The following SCN10A variants were observed in gnomAD, a reference collection of about 807,000 sequenced individuals.
SCN10A encodes the protein sodium channel protein type 10 subunit alpha.
A neutral mutation model predicts 170.7 loss-of-function variants in SCN10A; 162 were observed. The observed-to-expected ratio is 0.95, with a 90% CI of 0.84 to 1.08. The LOEUF (loss-of-function observed/expected upper bound fraction) is 1.08, where lower values mean the gene tolerates loss of function less well. Among genes scored for constraint, SCN10A ranks in the 50% least tolerant of loss-of-function variants. The probability of loss-of-function intolerance (pLI) is 0.00; values close to 1 mark genes in which losing one functional copy is unlikely to be tolerated. For synonymous variants in SCN10A, 985 were observed against 904.6 expected (o/e 1.09, Z -1.59); for missense variants, 2,527 against 2,436.9 (o/e 1.04, Z -0.78).
chr3:38,710,134 A>G (rs911655662), intron 24 of SCN10A, among the ~76,000 whole-genome samples: 10 of 152,028 alleles, frequency 6.6e-5, no homozygotes, highest in African/African-American at 2.2e-4. Context: ...ATTCCCCAAT[A>G]GTGTCTCCCC....
rs764654464 is a variant in SCN10A at position 38,739,586 on chromosome 3, C to T, written c.2209G>A (p.Val737Ile). 14 of 1,613,940 alleles carry T rather than the reference C, an allele frequency of 8.7e-6. No homozygotes were observed. Among genetic ancestry groups the T allele is most frequent in the East Asian group, 4.5e-5 (2 of 44,894 alleles). The change falls in exon 15 of 28, where the codon GTC becomes ATC. Residue 737 changes from valine to isoleucine, a missense_variant. Physicochemically the swap from Val to Ile is conservative, Grantham distance 29 (BLOSUM62 3). Transcript: ENST00000449082. ...KKWNIFDCII[V>I]TVSLLELGVA... The stretch of plus-strand genomic sequence containing the variant: ...CCCAGCTCTAGCAGACTCACAGTGA[C>T]GATGATGCAGTCAAAGATATTCCAC...
In SCN10A at chr3:38,726,595, A is replaced by T. The variant is rs752719194; in HGVS notation, c.3087+11T>A. The T allele has an allele frequency of 7.1e-6, 11 of 1,559,236 alleles. No homozygotes were observed. Among genetic ancestry groups the T allele is most frequent in the East Asian group, 2.3e-5 (1 of 44,014 alleles). On this transcript the variant is annotated intron_variant, in intron 17 of 27. Transcript: ENST00000449082. Reference sequence around the variant, plus strand: ...CACTGCCTGTGGCTGTCCCTTGGGGATAACTCTTACCTGTCCTTTGGGGAT... The same window carrying T: ...CACTGCCTGTGGCTGTCCCTTGGGGTTAACTCTTACCTGTCCTTTGGGGAT...
chr3:38,779,714 A>G (rs2064115898), intron 4 of SCN10A, among the ~76,000 whole-genome samples: 2 of 151,738 alleles, frequency 1.3e-5, no homozygotes, highest in African/African-American at 2.4e-5. Flanking sequence ...ACTGTTTTTT[A>G]TCTTTCCTTC....
At chr3:38,700,508 A>G (rs1452647764) in intron 27 of SCN10A, among the ~76,000 whole-genome samples, 3 of 152,248 alleles carry the variant, frequency 2.0e-5, no homozygotes, top group African/African-American at 7.2e-5. Context: ...TGTTTCTGGC[A>G]TTGATGGTGG....
chr3:38,714,453 C>T (rs542496759), intron 21 of SCN10A, among the ~76,000 whole-genome samples: 2 of 152,266 alleles, frequency 1.3e-5, no homozygotes, highest in Non-Finnish European at 2.9e-5. Flanking sequence ...ACATGATGTT[C>T]CCTCCTAGGG....
chr3:38,810,002 C>A (rs1351621154), intron 1 of SCN10A, among the ~76,000 whole-genome samples: 2 of 152,144 alleles, frequency 1.3e-5, no homozygotes, highest in African/African-American at 4.8e-5. Flanking sequence ...ATGCCACATA[C>A]ACATTGCACT....
chr3:38,764,576 C>T (rs145847820), intron 5 of SCN10A, among the ~76,000 whole-genome samples: 117 of 152,264 alleles, frequency 7.7e-4, no homozygotes, highest in Middle Eastern at 6.8e-3. Flanking sequence ...AGTAGTATTC[C>T]ATGGTATGCA....
At chr3:38,703,754 C>T (rs968641198) in intron 26 of SCN10A, among the ~76,000 whole-genome samples, 21 of 152,154 alleles carry the variant, frequency 1.4e-4, no homozygotes, top group African/African-American at 4.1e-4. Flanking sequence ...TGCTCTTCAC[C>T]CCATTTTTTC....
rs372250251 is a variant in SCN10A, at chr3:38,757,005, T to G, written c.1092+13A>C. On this transcript the variant is annotated intron_variant, in intron 9 of 27. Transcript: ENST00000449082. The stretch of plus-strand genomic sequence containing the variant: ...CTCCAACCAAGTCTGCGTGGGGGAA[T>G]GCAGCTCAGTACCTGCTGGTAGAGG... 111 of 1,606,074 alleles carry G rather than the reference T, an allele frequency of 6.9e-5. 1 individual carries two copies. In the African/African-American group the frequency reaches 1.3e-3, roughly 18 times the overall value.
At chr3:38,796,709 T>C (rs1312952033) in intron 1 of SCN10A, among the ~76,000 whole-genome samples, 1 of 152,190 alleles carries the variant, frequency 6.6e-6, no homozygotes, top group Non-Finnish European at 1.5e-5. Flanking sequence ...CTTATTCTTG[T>C]ACTCTTGGCT....
At chr3:38,698,770 C>T (rs1232395450) in intron 27 of SCN10A, among the ~76,000 whole-genome samples, 1 of 152,154 alleles carries the variant, frequency 6.6e-6, no homozygotes, top group Non-Finnish European at 1.5e-5. Context: ...TCTTCCTCCT[C>T]CGTCTTACCC....
At chr3:38,766,110 T>C (rs1296626971) in intron 5 of SCN10A, among the ~76,000 whole-genome samples, 1 of 152,102 alleles carries the variant, frequency 6.6e-6, no homozygotes, top group Non-Finnish European at 1.5e-5. Flanking sequence ...ACTGAATTCA[T>C]TTATTAGATC....
chr3:38,803,331 C>T (rs1311780130), intron 1 of SCN10A, among the ~76,000 whole-genome samples: 1 of 152,090 alleles, frequency 6.6e-6, no homozygotes, highest in Admixed American at 6.6e-5. Flanking sequence ...AATCATGCTG[C>T]TATAAAGACA....
intron 27 of SCN10A, 45 bp from the exon 28 acceptor site, chr3:38,698,607 G>A (rs777698381): frequency 1.3e-6 from 2 of 1,567,528 alleles, no homozygotes; most frequent in African/African-American, 1.4e-5. Context: ...CTCCAGCCAT[G>A]AGACGTGACA....
At chr3:38,786,475 T>C (rs1559464768) in intron 4 of SCN10A, among the ~76,000 whole-genome samples, 1 of 151,822 alleles carries the variant, frequency 6.6e-6, no homozygotes, top group Non-Finnish European at 1.5e-5. Context: ...CCAGGGCCTG[T>C]TGAGGGGTTG....
chr3:38,776,934 C>T lies in SCN10A; in HGVS notation c.471-5527G>A, dbSNP rs959528789. 2.6e-5 allele frequency among the ~76,000 whole-genome samples: 4 copies of T among 151,962 alleles called. 1 individual carries two copies. In the East Asian group the frequency reaches 7.7e-4, roughly 29 times the overall value. On this transcript the variant is annotated intron_variant, in intron 4 of 27. Transcript: ENST00000449082. ...ATTTACTATACTAACAGATGAAAGA[C>T]TATATGATAACCTCAATAAATATAA...
intron 14 of SCN10A, among the ~76,000 whole-genome samples, chr3:38,740,912 C>T (rs1385936441): frequency 6.6e-6 from 1 of 152,134 alleles, no homozygotes; most frequent in Non-Finnish European, 1.5e-5. Flanking sequence ...CCTCTGTGGT[C>T]TTAGGCTGAC....
rs758110703 is a variant in SCN10A at position 38,742,290 on chromosome 3, C to T, written c.2106+1G>A. Reference sequence around the variant, plus strand: ...AGGGCAGTACCAGCCAGAGCACTCACGATGTTGCCTATCTGGAGCATGGCT... The same window carrying T: ...AGGGCAGTACCAGCCAGAGCACTCATGATGTTGCCTATCTGGAGCATGGCT... On this transcript the variant is annotated splice_donor_variant, in intron 14 of 27. Transcript: ENST00000449082. LOFTEE classifies it high-confidence loss of function. The T allele has an allele frequency of 6.8e-6, 11 of 1,610,530 alleles. No homozygotes were observed. The highest frequency in any genetic ancestry group is 3.3e-5 in the Admixed American group (2 of 59,956).
intron 1 of SCN10A, among the ~76,000 whole-genome samples, chr3:38,803,220 A>C (rs1210258420): frequency 6.6e-6 from 1 of 152,222 alleles, no homozygotes; most frequent in Non-Finnish European, 1.5e-5. Flanking sequence ...AACTAGTTCA[A>C]CCATTGTGGA....
Sources: allele counts gnomAD v4.1 joint callset (sites outside exome capture counted in the v4.1 genomes callset), GRCh38; gene constraint gnomAD v4.1.1; transcripts MANE v1.5; gene names NCBI Gene and HGNC (gene_info 2026-07-23, HGNC 2026-07-21).